ARHGAP6: variants seen among roughly 807,000 people sequenced by gnomAD.
ARHGAP6 encodes the protein rho GTPase-activating protein 6.
In ARHGAP6, 16 loss-of-function variants were observed where a neutral mutation model predicts 55.7. That is an observed-to-expected ratio of 0.29 (90% CI 0.19 to 0.44). The LOEUF is 0.44. Ranked by LOEUF, ARHGAP6 falls within the 20% of genes least tolerant of loss-of-function variation. ARHGAP6 has a pLI of 1.00. For missense variants in ARHGAP6, 698 were observed against 808.9 expected, an observed-to-expected ratio of 0.86 and a Z score of 1.66; for synonymous variants, 382 against 360.9, an observed-to-expected ratio of 1.06 and a Z score of -0.66.
intron 1 of ARHGAP6, among the ~76,000 whole-genome samples, chrX:11,428,528 A>C (rs1487256951): frequency 8.9e-6 from 1 of 112,322 alleles, no homozygotes; most frequent in Non-Finnish European, 1.9e-5. Flanking sequence ...AGTTGAGCCC[A>C]GAGGAAGGCC....
chrX:11,565,056 G>A (rs2051427911), intron 1 of ARHGAP6, among the ~76,000 whole-genome samples: 1 of 112,194 alleles, frequency 8.9e-6, no homozygotes, highest in South Asian at 3.7e-4. Flanking sequence ...CCAGAAAGTA[G>A]GGAAATCTCA....
At chrX:11,551,610 G>A (rs900300372) in intron 1 of ARHGAP6, among the ~76,000 whole-genome samples, 1 of 111,786 alleles carries the variant, frequency 8.9e-6, no homozygotes, top group African/African-American at 3.3e-5. Flanking sequence ...GTGACCTTAT[G>A]TGGAGATAGG....
intron 1 of ARHGAP6, among the ~76,000 whole-genome samples, chrX:11,561,581 T>C (rs1011028333): frequency 8.9e-6 from 1 of 112,173 alleles, no homozygotes; most frequent in Non-Finnish European, 1.9e-5. Flanking sequence ...ATTTTTTATC[T>C]GTATGTATAC....
intron 9 of ARHGAP6, among the ~76,000 whole-genome samples, chrX:11,164,975 A>G (rs1262886410): frequency 8.9e-6 from 1 of 111,980 alleles, no homozygotes; most frequent in Non-Finnish European, 1.9e-5. Flanking sequence ...GATAATACCA[A>G]TGACTTTGTG....
At chrX:11,589,624 T>C (rs1601675629) in intron 1 of ARHGAP6, among the ~76,000 whole-genome samples, 1 of 110,431 alleles carries the variant, frequency 9.1e-6, no homozygotes, top group Middle Eastern at 4.6e-3. Context: ...GGAAAAAAGG[T>C]GTTTAGTTAC....
chrX:11,227,793 CTTTTTTCT>C (rs1309576845), intron 2 of ARHGAP6, among the ~76,000 whole-genome samples: 6 of 108,206 alleles, frequency 5.5e-5, no homozygotes, highest in African/African-American at 2.0e-4. Context: ...CTTTCTTTTT[CTTTTTTCT>C]TTTTTTTTTT....
intron 1 of ARHGAP6, among the ~76,000 whole-genome samples, chrX:11,455,759 CAT>C (rs1359751696): frequency 8.9e-6 from 1 of 111,960 alleles, no homozygotes; most frequent in Non-Finnish European, 1.9e-5. Context: ...AATAAGATGA[CAT>C]GAGACTAGAT....
At chrX:11,268,959 G>C (rs2047661494) in intron 1 of ARHGAP6, among the ~76,000 whole-genome samples, 1 of 111,342 alleles carries the variant, frequency 9.0e-6, no homozygotes, top group Non-Finnish European at 1.9e-5. Flanking sequence ...AATATAGCCA[G>C]CGTGAAAGGT....
At chrX:11,217,176 A>G (rs2046895192) in intron 2 of ARHGAP6, among the ~76,000 whole-genome samples, 1 of 112,116 alleles carries the variant, frequency 8.9e-6, no homozygotes, top group Admixed American at 9.5e-5. Flanking sequence ...CAATAAACAT[A>G]TGTGTGCATG....
intron 1 of ARHGAP6, among the ~76,000 whole-genome samples, chrX:11,497,096 G>C (rs928536298): frequency 1.4e-4 from 16 of 111,773 alleles, no homozygotes; most frequent in Non-Finnish European, 3.0e-4. Flanking sequence ...CTGCTGTGGA[G>C]GAGGAGGACT....
In ARHGAP6 at chrX:11,254,594, C is replaced by G; in HGVS notation, c.702G>C (p.Gln234His). Residue 234 changes from glutamine to histidine, a missense_variant, in exon 2 of 13, where the codon CAG becomes CAC. By Grantham distance (24) the Gln-to-His change is conservative. Transcript: ENST00000337414. ...AGCTCAGGTCACAGTCCTGTTGCAA[C>G]TGATAAAAAGCCACTTCCTGCAGCC... ...RARLQEVAFYQLQQDCDLSCQ... is the reference protein window; with the variant it reads ...RARLQEVAFYHLQQDCDLSCQ... 8.3e-7 allele frequency: 1 copy of G among 1,210,331 alleles called. No homozygotes were observed. Among genetic ancestry groups the G allele is most frequent in the Non-Finnish European group, 1.1e-6 (1 of 895,295 alleles).
intron 2 of ARHGAP6, among the ~76,000 whole-genome samples, chrX:11,240,630 TTTGA>T (rs2047261822): frequency 9.0e-6 from 1 of 111,729 alleles, no homozygotes; most frequent in South Asian, 3.8e-4. Context: ...CCATCCACCC[TTTGA>T]TTGATCAATA....
At chrX:11,504,441 A>G (rs192347832) in intron 1 of ARHGAP6, among the ~76,000 whole-genome samples, 2 of 111,559 alleles carry the variant, frequency 1.8e-5, no homozygotes, top group Admixed American at 1.9e-4. Flanking sequence ...TGTAACAGTC[A>G]GAAATGTCTC....
At chrX:11,566,872 T>A (rs1050093481) in intron 1 of ARHGAP6, among the ~76,000 whole-genome samples, 2 of 112,136 alleles carry the variant, frequency 1.8e-5, no homozygotes, top group Admixed American at 1.9e-4. Context: ...CCAGCCAAAC[T>A]GCTTGACTTT....
chrX:11,159,871 A>AT (rs1678848090), intron 9 of ARHGAP6, among the ~76,000 whole-genome samples: 1 of 111,288 alleles, frequency 9.0e-6, no homozygotes, highest in South Asian at 3.9e-4. Flanking sequence ...TACTGTATAA[A>AT]TTAAACAGAA....
At chrX:11,493,551 A>T (rs1175620589) in intron 1 of ARHGAP6, among the ~76,000 whole-genome samples, 3 of 111,619 alleles carry the variant, frequency 2.7e-5, no homozygotes, top group African/African-American at 9.8e-5. Context: ...CTTACTATTC[A>T]TTGGTGTGAC....
intron 3 of ARHGAP6, among the ~76,000 whole-genome samples, chrX:11,190,472 T>TAG (rs1291766553): frequency 1.2e-4 from 12 of 98,667 alleles, no homozygotes; most frequent in Non-Finnish European, 2.2e-4. Flanking sequence ...TATATATATA[T>TAG]ATATATATAC....
intron 1 of ARHGAP6, among the ~76,000 whole-genome samples, chrX:11,271,788 A>G (rs946843811): frequency 3.6e-5 from 4 of 111,915 alleles, no homozygotes; most frequent in African/African-American, 1.3e-4. Flanking sequence ...AACTCATCTA[A>G]ATCTTGTAGA....
chrX:11,614,025 T>C (rs2052134151), intron 1 of ARHGAP6, among the ~76,000 whole-genome samples: 1 of 111,804 alleles, frequency 8.9e-6, no homozygotes, highest in Non-Finnish European at 1.9e-5. Context: ...CCCAGACCAC[T>C]GGCACAAATG....
Sources: gnomAD v4.1 joint callset for allele counts (sites outside exome capture counted in the v4.1 genomes callset) on GRCh38, gnomAD v4.1.1 for gene constraint, MANE v1.5 for transcripts, NCBI Gene and HGNC (gene_info 2026-07-23, HGNC 2026-07-21) for gene names.